FGD4: variants seen among roughly 807,000 people sequenced by gnomAD.
FGD4 encodes FYVE, RhoGEF and PH domain-containing protein 4.
A neutral mutation model predicts 102.0 loss-of-function variants in FGD4; 42 were observed. That is an observed-to-expected ratio of 0.41 (90% CI 0.32 to 0.53). The LOEUF is 0.53. Among genes scored for constraint, FGD4 ranks in the 20% least tolerant of loss-of-function variants. The pLI is 0.21. For missense variants in FGD4, 902 were observed against 1,078.2 expected (o/e 0.84, Z 2.29); for synonymous variants, 380 against 375.7 (o/e 1.01, Z -0.13).
intron 2 of FGD4, among the ~76,000 whole-genome samples, chr12:32,570,951 A>G (rs913136209): frequency 2.0e-5 from 3 of 152,164 alleles, no homozygotes; most frequent in African/African-American, 7.2e-5. Flanking sequence ...TTTCACATAG[A>G]TGTTATATGG....
chr12:32,403,884 C>G (rs188942304), intron 1 of FGD4, among the ~76,000 whole-genome samples: 2 of 151,988 alleles, frequency 1.3e-5, no homozygotes, highest in Admixed American at 6.6e-5. Context: ...TGTGAGCCAT[C>G]GTGCCCGGCC....
At chr12:32,521,645 G>A (rs1940565828) in intron 1 of FGD4, among the ~76,000 whole-genome samples, 1 of 152,116 alleles carries the variant, frequency 6.6e-6, no homozygotes, top group Admixed American at 6.5e-5. Flanking sequence ...ATCTTTAGAA[G>A]GGATTTTAAA....
intron 1 of FGD4, among the ~76,000 whole-genome samples, chr12:32,507,873 G>A (rs74072401): frequency 0.053 from 8,010 of 152,234 alleles, 541 homozygotes; most frequent in African/African-American, 0.14. Flanking sequence ...TCTCTTAGGG[G>A]CATCAGTAAT....
intron 1 of FGD4, among the ~76,000 whole-genome samples, chr12:32,404,475 T>C (rs866833371): frequency 2.6e-5 from 4 of 151,896 alleles, no homozygotes; most frequent in Admixed American, 6.6e-5. Flanking sequence ...CCTGAAAAAA[T>C]AGGTGGTATT....
chr12:32,536,166 A>G (rs1270506365), intron 1 of FGD4, among the ~76,000 whole-genome samples: 1 of 152,202 alleles, frequency 6.6e-6, no homozygotes, highest in African/African-American at 2.4e-5. Flanking sequence ...GAAAGAAATG[A>G]AATATGATAG....
intron 1 of FGD4, among the ~76,000 whole-genome samples, chr12:32,526,186 A>G (rs1229715933): frequency 6.6e-6 from 1 of 152,244 alleles, no homozygotes; most frequent in African/African-American, 2.4e-5. Flanking sequence ...GGGATTGTAA[A>G]TACACCAATC....
chr12:32,519,579 C>A (rs980083104), intron 1 of FGD4, among the ~76,000 whole-genome samples: 2 of 151,822 alleles, frequency 1.3e-5, no homozygotes, highest in Admixed American at 1.3e-4. Flanking sequence ...TCACTTGAGG[C>A]CAGGAGTTTG....
intron 1 of FGD4, among the ~76,000 whole-genome samples, chr12:32,441,528 G>A (rs117800290): frequency 0.038 from 5,796 of 151,926 alleles, 172 homozygotes; most frequent in South Asian, 0.12. Context: ...CTAAGCTGGT[G>A]TCCAAAATGC....
chr12:32,531,345 T>C (rs1941803138), intron 1 of FGD4, among the ~76,000 whole-genome samples: 1 of 152,192 alleles, frequency 6.6e-6, no homozygotes, highest in African/African-American at 2.4e-5. Context: ...TCAACCTCTT[T>C]AGGGTACAAT....
At chr12:32,413,395 C>T (rs1439835255) in intron 1 of FGD4, among the ~76,000 whole-genome samples, 2 of 152,050 alleles carry the variant, frequency 1.3e-5, no homozygotes, top group Non-Finnish European at 2.9e-5. Context: ...TAAATTATGC[C>T]GTCATATTAA....
At chr12:32,480,083 C>T (rs1293984763) in intron 1 of FGD4, among the ~76,000 whole-genome samples, 2 of 151,916 alleles carry the variant, frequency 1.3e-5, no homozygotes, top group African/African-American at 4.8e-5. Context: ...TGAACCACTA[C>T]GCCCTGCCTG....
At chr12:32,433,560 C>T (rs1251969137) in intron 1 of FGD4, among the ~76,000 whole-genome samples, 1 of 152,018 alleles carries the variant, frequency 6.6e-6, no homozygotes, top group Non-Finnish European at 1.5e-5. Context: ...TGGTCTTGAA[C>T]TCCTGACCTC....
chr12:32,635,310 G>C (rs1287171098), intron 15 of FGD4, among the ~76,000 whole-genome samples: 1 of 152,166 alleles, frequency 6.6e-6, no homozygotes, highest in Non-Finnish European at 1.5e-5. Flanking sequence ...ACAATATAAT[G>C]AGTCGGGGAA....
chr12:32,506,185 G>T lies in FGD4; in HGVS notation c.167-57952G>T, dbSNP rs1228266960. ...TTGTCTTTAAGAGGAGCACAACATT[G>T]GGGTGTTACCCTAAAATCCCACAGA... On this transcript the variant is annotated intron_variant, in intron 1 of 16. Coordinates refer to ENST00000534526, the MANE Select transcript of FGD4 (RefSeq NM_001370298.3). This position sits in a 1 kb window ranked among gnomAD's most constrained non-coding sequence, Gnocchi z 4.5. Among the ~76,000 whole-genome samples the T allele has an allele frequency of 6.6e-6, 1 of 152,144 alleles. No individual in the cohort carries two copies. Among genetic ancestry groups the T allele is most frequent in the African/African-American group, 2.4e-5 (1 of 41,410 alleles).
chr12:32,564,048 AGGGAGT>A lies in FGD4; in HGVS notation c.167-83_167-78del, dbSNP rs771178965. 2.9e-3 allele frequency: 3,519 copies of A among 1,196,914 alleles called. 114 individuals are homozygous for A. The African/African-American group carries it at 0.049, about 17-fold the overall frequency. 74.1% of individuals were successfully genotyped at this position (1,196,914 alleles called of 1,614,324 possible). A position where few individuals can be genotyped will look rare whatever the true frequency, so the allele number is the denominator to read the frequency against. On this transcript the variant is annotated intron_variant, in intron 1 of 16. Transcript: ENST00000534526. ...GAGAGGGAGGGGGAGGGGGAGGGAGAGGGAGTGGGAGAGGGGAAATTTAACTTATAA... is the reference window on the plus strand; with the variant it reads ...GAGAGGGAGGGGGAGGGGGAGGGAGAGGGAGAGGGGAAATTTAACTTATAA...
At chr12:32,408,983 G>A (rs186167271) in intron 1 of FGD4, among the ~76,000 whole-genome samples, 20 of 152,154 alleles carry the variant, frequency 1.3e-4, no homozygotes, top group Admixed American at 1.0e-3. Context: ...TACCTACTCC[G>A]CGTTTTCAAG....
chr12:32,547,136 T>C (rs1943288047), intron 1 of FGD4, among the ~76,000 whole-genome samples: 1 of 152,164 alleles, frequency 6.6e-6, no homozygotes, highest in African/African-American at 2.4e-5. Flanking sequence ...CATGTAGATA[T>C]GACATTCAAC....
chr12:32,545,907 T>C (rs1346540792), intron 1 of FGD4, among the ~76,000 whole-genome samples: 2 of 152,242 alleles, frequency 1.3e-5, no homozygotes, highest in African/African-American at 4.8e-5. Flanking sequence ...TGCTGAATTC[T>C]TCAAGCGAAT....
chr12:32,602,011 G>C, intron 6 of FGD4, 150 bp from the exon 7 acceptor site: 1 of 684,312 alleles, frequency 1.5e-6, no homozygotes, highest in Non-Finnish European at 2.5e-6. Flanking sequence ...GCTACTGAGA[G>C]TGCTGAAGCT....
Sources: gnomAD v4.1 joint callset for allele counts (sites outside exome capture counted in the v4.1 genomes callset) on GRCh38, gnomAD v4.1.1 for gene constraint, Gnocchi (gnomAD v3.1) non-coding constraint, MANE v1.5 for transcripts, NCBI Gene and HGNC (gene_info 2026-07-23, HGNC 2026-07-21) for gene names.